ABCB7: variants seen among roughly 807,000 people sequenced by gnomAD.
ABCB7 encodes iron-sulfur clusters transporter ABCB7, mitochondrial.
Under a neutral mutation model 54.4 loss-of-function variants are expected in ABCB7, and 7 were observed. The ratio of observed to expected loss-of-function variants is 0.13; its 90% CI spans 0.07 to 0.24. The LOEUF (loss-of-function observed/expected upper bound fraction) is 0.24, where lower values mean the gene tolerates loss of function less well. Ranked by LOEUF, ABCB7 falls within the 10% of genes least tolerant of loss-of-function variation. ABCB7 has a pLI of 1.00. For synonymous variants in ABCB7, 218 were observed against 207.1 expected, an observed-to-expected ratio of 1.05 and a Z score of -0.45; for missense variants, 356 against 570.4, an observed-to-expected ratio of 0.62 and a Z score of 3.83.
chrX:75,139,006 C>CAA (rs60785681), intron 1 of ABCB7, among the ~76,000 whole-genome samples: 750 of 57,798 alleles, frequency 0.013, 13 homozygotes, highest in African/African-American at 0.045. Context: ...GACTCTGCCT[C>CAA]AAAAAAAAAA....
At position 75,114,797 on chromosome X, in the gene ABCB7, C is replaced by T; in HGVS notation, c.203G>A (p.Arg68Lys). The change falls in exon 2 of 16, where the codon AGA becomes AAA. Residue 68 changes from arginine (R) to lysine (K), a missense_variant. Physicochemically the swap from Arg to Lys is conservative, Grantham distance 26 (BLOSUM62 2). This residue lies in a region of ABCB7 where 115 missense variants were observed against 99.5 expected (regional missense o/e 1.16). Coordinates refer to ENST00000373394, the MANE Select transcript of ABCB7 (RefSeq NM_001271696.3). The stretch of plus-strand genomic sequence containing the variant: ...CTGTCCTGAATTGCCTTTTCCCAAT[C>T]TCTGCCATGTGATACTTTTTAATGA... ...PESLKSITWQRLGKGNSGQFL... is the reference protein window; with the variant it reads ...PESLKSITWQKLGKGNSGQFL... The T allele has an allele frequency of 8.3e-7, 1 of 1,201,730 alleles. No individual in the cohort carries two copies.
At chrX:75,143,246 C>T (rs1185579785) in intron 1 of ABCB7, among the ~76,000 whole-genome samples, 1 of 111,375 alleles carries the variant, frequency 9.0e-6, no homozygotes, top group East Asian at 2.8e-4. Flanking sequence ...TTCAAAGATC[C>T]ACGATTCTCT....
chrX:75,117,496 A>G (rs2081833355), intron 1 of ABCB7, among the ~76,000 whole-genome samples: 1 of 110,644 alleles, frequency 9.0e-6, no homozygotes, highest in Admixed American at 9.6e-5. Context: ...AAAAGCAAGG[A>G]CACTTGAATG....
intron 1 of ABCB7, among the ~76,000 whole-genome samples, chrX:75,121,220 C>T (rs1389573871): frequency 2.9e-5 from 3 of 104,783 alleles, no homozygotes; most frequent in African/African-American, 1.1e-4. Context: ...ACCCAGGAGG[C>T]GGAGGTTGCA....
At chrX:75,142,920 G>A (rs1363715271) in intron 1 of ABCB7, among the ~76,000 whole-genome samples, 2 of 112,313 alleles carry the variant, frequency 1.8e-5, no homozygotes, top group South Asian at 7.3e-4. Context: ...AAGACTGGTA[G>A]CATGTTCTTT....
chrX:75,065,106 C>T lies in ABCB7; in HGVS notation c.1795G>A (p.Asp599Asn). ...AGTCCTCGTTCCCCTACTTGGGTGT[C>T]ATATCCATGTGGCATTCGAAGAATT... ...DAILRMPHGY[D>N]TQVGERGLKL... The change falls in exon 13 of 16, where the codon GAC becomes AAC. Residue 599 changes from aspartate to asparagine, a missense_variant. Transcript: ENST00000373394. The T allele has an allele frequency of 8.3e-7, 1 of 1,211,064 alleles. No individual in the cohort carries two copies. The highest frequency in any genetic ancestry group is 1.1e-6 in the Non-Finnish European group (1 of 895,271).
chrX:75,060,831 A>G (rs912303266), intron 14 of ABCB7, among the ~76,000 whole-genome samples: 3 of 111,816 alleles, frequency 2.7e-5, no homozygotes, highest in Admixed American at 1.9e-4. Flanking sequence ...TGATAACTGT[A>G]TATTTTTAAC....
At chrX:75,081,530 T>A (rs1400186667) in intron 4 of ABCB7, among the ~76,000 whole-genome samples, 1 of 112,169 alleles carries the variant, frequency 8.9e-6, no homozygotes, top group African/African-American at 3.2e-5. Context: ...TCAAGGCAAA[T>A]GTTTAATCAT....
At chrX:75,061,299 C>G (rs2081280774) in intron 14 of ABCB7, among the ~76,000 whole-genome samples, 1 of 111,638 alleles carries the variant, frequency 9.0e-6, no homozygotes, top group Non-Finnish European at 1.9e-5. Context: ...TCTATTGGCT[C>G]TTAATGGGTT....
intron 1 of ABCB7, among the ~76,000 whole-genome samples, chrX:75,145,809 A>T (rs762206519): frequency 1.8e-5 from 2 of 111,547 alleles, no homozygotes; most frequent in African/African-American, 3.3e-5. Flanking sequence ...CCCTGTTGGC[A>T]GATGGCATGA....
chrX:75,068,351 C>CA (rs1159136165), intron 12 of ABCB7, among the ~76,000 whole-genome samples: 5 of 111,874 alleles, frequency 4.5e-5, no homozygotes, highest in Non-Finnish European at 3.8e-5. Flanking sequence ...AAGCTTTCAT[C>CA]ATAAAAAAGC....
intron 4 of ABCB7, among the ~76,000 whole-genome samples, chrX:75,090,312 G>A (rs1420599082): frequency 9.2e-6 from 1 of 109,165 alleles, no homozygotes; most frequent in Non-Finnish European, 1.9e-5. Flanking sequence ...TATGCCCTAG[G>A]CAAAATGGAA....
intron 3 of ABCB7, among the ~76,000 whole-genome samples, chrX:75,101,123 T>C (rs771083908): frequency 1.3e-4 from 14 of 111,053 alleles, no homozygotes; most frequent in African/African-American, 2.0e-4. Flanking sequence ...GGTGGAATCA[T>C]TGATACTTTT....
chrX:75,115,291 AAAAAAAAAT>A (rs1388184754), intron 1 of ABCB7, among the ~76,000 whole-genome samples: 30 of 102,620 alleles, frequency 2.9e-4, no homozygotes, highest in Non-Finnish European at 4.6e-4. Flanking sequence ...AAAAAAAAAA[AAAAAAAAAT>A]GACAAAAATA....
intron 1 of ABCB7, among the ~76,000 whole-genome samples, chrX:75,133,692 A>G (rs1015917019): frequency 2.7e-5 from 3 of 112,349 alleles, no homozygotes; most frequent in South Asian, 7.3e-4. Context: ...ATCTTTAAAG[A>G]AAAGAAATTC....
chrX:75,077,964 A>C (rs772592266), intron 4 of ABCB7, among the ~76,000 whole-genome samples: 1 of 100,415 alleles, frequency 1.0e-5, no homozygotes, highest in Non-Finnish European at 2.0e-5. Flanking sequence ...CCCAGGCTGG[A>C]GTGCAGTGGG....
intron 15 of ABCB7, among the ~76,000 whole-genome samples, chrX:75,059,841 C>A (rs1422476219): frequency 9.0e-6 from 1 of 111,346 alleles, no homozygotes. Context: ...TTTCTTTTAA[C>A]CATCAAGGGT....
chrX:75,072,646 C>G (rs889365280), intron 8 of ABCB7, among the ~76,000 whole-genome samples: 12 of 111,290 alleles, frequency 1.1e-4, no homozygotes, highest in African/African-American at 3.9e-4. Context: ...CTAGGTGAGT[C>G]AGTGAGTGAG....
At chrX:75,090,257 T>C (rs1412974966) in intron 4 of ABCB7, among the ~76,000 whole-genome samples, 1 of 108,719 alleles carries the variant, frequency 9.2e-6, no homozygotes, top group Non-Finnish European at 1.9e-5. Flanking sequence ...CCCTGGGCCA[T>C]AAAACACACC....
Sources: gnomAD v4.1 joint callset for allele counts (sites outside exome capture counted in the v4.1 genomes callset) on GRCh38, gnomAD v4.1.1 for gene constraint, gnomAD v4.1.1 regional missense constraint, MANE v1.5 for transcripts, NCBI Gene and HGNC (gene_info 2026-07-23, HGNC 2026-07-21) for gene names.